The following ASAP1 variants were observed in gnomAD, a reference collection of about 807,000 sequenced individuals.
ASAP1 encodes arf-GAP with SH3 domain, ANK repeat and PH domain-containing protein 1.
A neutral mutation model predicts 145.2 loss-of-function variants in ASAP1; 43 were observed. The observed-to-expected ratio is 0.30, with a 90% CI of 0.23 to 0.38. ASAP1 has a LOEUF of 0.38. Ranked by LOEUF, ASAP1 falls within the 10% of genes least tolerant of loss-of-function variation. The pLI is 1.00. For synonymous variants in ASAP1, 546 were observed against 515.5 expected (o/e 1.06, Z -0.80); for missense variants, 1,018 against 1,355.3 (o/e 0.75, Z 3.91).
chr8:130,328,166 T>G (rs958478900), intron 3 of ASAP1, among the ~76,000 whole-genome samples: 39 of 152,116 alleles, frequency 2.6e-4, no homozygotes, highest in African/African-American at 9.4e-4. Context: ...TCATAACAAT[T>G]CTGTGAAACT....
At chr8:130,281,558 T>TA (rs1179237028) in intron 3 of ASAP1, among the ~76,000 whole-genome samples, 1 of 152,222 alleles carries the variant, frequency 6.6e-6, no homozygotes, top group African/African-American at 2.4e-5. Context: ...ATTTTCAGGC[T>TA]AAAAAACTTA....
At chr8:130,347,931 T>C (rs746219484) in intron 3 of ASAP1, among the ~76,000 whole-genome samples, 10 of 152,168 alleles carry the variant, frequency 6.6e-5, no homozygotes, top group Non-Finnish European at 1.0e-4. Context: ...TTCATTTTGC[T>C]GGGGAAGGGG....
chr8:130,268,537 CT>C (rs1820404863), intron 3 of ASAP1, among the ~76,000 whole-genome samples: 1 of 112,952 alleles, frequency 8.9e-6, no homozygotes, highest in African/African-American at 3.2e-5. Context: ...ACACACACAA[CT>C]GTGTAACTAT....
chr8:130,100,548 C>G (rs1025293651), intron 24 of ASAP1, among the ~76,000 whole-genome samples: 13 of 152,052 alleles, frequency 8.5e-5, no homozygotes, highest in Admixed American at 3.9e-4. Flanking sequence ...AGGCTGGTCT[C>G]GAAGCCCTGA....
intron 2 of ASAP1, among the ~76,000 whole-genome samples, chr8:130,374,820 A>C (rs184564862): frequency 1.3e-5 from 2 of 152,324 alleles, no homozygotes; most frequent in East Asian, 3.9e-4. Context: ...TTTTCACACA[A>C]AGAGGATAAC....
At chr8:130,247,483 C>T (rs1194346889) in intron 3 of ASAP1, among the ~76,000 whole-genome samples, 7 of 151,910 alleles carry the variant, frequency 4.6e-5, no homozygotes, top group Admixed American at 6.6e-5. Context: ...TGCTCTCCAA[C>T]CCTTCAACCT....
chr8:130,061,210 AC>A, intron 27 of ASAP1, 141 bp from the exon 28 acceptor site: 1 of 998,018 alleles, frequency 1.0e-6, no homozygotes, highest in Non-Finnish European at 1.4e-6. Context: ...GGCCAGGCCC[AC>A]CCAGGCAGTT....
chr8:130,424,087 G>A (rs1469935068), intron 1 of ASAP1, among the ~76,000 whole-genome samples: 1 of 152,088 alleles, frequency 6.6e-6, no homozygotes, highest in Admixed American at 6.6e-5. Flanking sequence ...TGTCAATAAA[G>A]CTATTACAAA....
chr8:130,424,403 G>A (rs112765450), intron 1 of ASAP1, among the ~76,000 whole-genome samples: 5,210 of 152,274 alleles, frequency 0.034, 121 homozygotes, highest in African/African-American at 0.067. Context: ...GCCTCGGAGA[G>A]CACTCCACTT....
chr8:130,408,349 C>G lies in ASAP1; in HGVS notation c.-27-6379G>C, dbSNP rs143626323. Among the ~76,000 whole-genome samples the G allele has an allele frequency of 2.6e-3, 403 of 152,282 alleles. 1 individual carries two copies. The highest frequency in any genetic ancestry group is 9.3e-3 in the African/African-American group (385 of 41,550). On this transcript the variant is annotated intron_variant, in intron 1 of 29. Transcript: ENST00000518721. ...CAACGTGAGTGGGCATCATCCAATC[C>G]ATTGAAGGCATAATATTAATAGAAC...
At chr8:130,298,172 C>A (rs1222452699) in intron 3 of ASAP1, among the ~76,000 whole-genome samples, 1 of 152,156 alleles carries the variant, frequency 6.6e-6, no homozygotes, top group African/African-American at 2.4e-5. Flanking sequence ...ACTGCACAAC[C>A]AATCCAACAC....
intron 11 of ASAP1, among the ~76,000 whole-genome samples, chr8:130,161,726 G>A (rs2097669615): frequency 6.6e-6 from 1 of 152,146 alleles, no homozygotes; most frequent in Non-Finnish European, 1.5e-5. Flanking sequence ...AATCATTTGG[G>A]AGAGATGAGG....
chr8:130,319,850 A>G (rs6984963), intron 3 of ASAP1, among the ~76,000 whole-genome samples: 89,127 of 152,018 alleles, frequency 0.59, 26,254 homozygotes, highest in South Asian at 0.7. Flanking sequence ...ATGACATGAC[A>G]AAAAAACTTT....
chr8:130,442,260 G>A (rs1830510913), intron 1 of ASAP1, among the ~76,000 whole-genome samples: 1 of 152,136 alleles, frequency 6.6e-6, no homozygotes, highest in African/African-American at 2.4e-5. Context: ...CACAGAAGGG[G>A]CATGGGACTG....
chr8:130,279,157 G>A (rs1821105253), intron 3 of ASAP1, among the ~76,000 whole-genome samples: 1 of 151,704 alleles, frequency 6.6e-6, no homozygotes, highest in Non-Finnish European at 1.5e-5. Context: ...ACAGAGAGGG[G>A]AAAAAAAATG....
intron 2 of ASAP1, among the ~76,000 whole-genome samples, chr8:130,372,518 C>G (rs1827257984): frequency 6.6e-6 from 1 of 152,236 alleles, no homozygotes; most frequent in Non-Finnish European, 1.5e-5. Flanking sequence ...TATACCCCAA[C>G]AGCAGGTTGA....
chr8:130,150,695 C>T (rs116041112), intron 13 of ASAP1, among the ~76,000 whole-genome samples: 2,279 of 151,966 alleles, frequency 0.015, 31 homozygotes, highest in African/African-American at 0.038. Context: ...CTGGGCAACA[C>T]AGCGAAACCC....
At chr8:130,372,934 ACG>A (rs1439279284) in intron 2 of ASAP1, among the ~76,000 whole-genome samples, 1 of 151,970 alleles carries the variant, frequency 6.6e-6, no homozygotes, top group Admixed American at 6.6e-5. Context: ...ACAGACACAC[ACG>A]CATACACAAA....
chr8:130,160,434 CT>C (rs749886737), intron 11 of ASAP1, among the ~76,000 whole-genome samples: 10 of 152,182 alleles, frequency 6.6e-5, no homozygotes, highest in Non-Finnish European at 1.3e-4. Flanking sequence ...GGGGAACCTT[CT>C]AAGCAAGGTT....
Sources: gnomAD v4.1 joint callset for allele counts (sites outside exome capture counted in the v4.1 genomes callset) on GRCh38, gnomAD v4.1.1 for gene constraint, MANE v1.5 for transcripts, NCBI Gene and HGNC (gene_info 2026-07-23, HGNC 2026-07-21) for gene names.